FGF14: variants seen among roughly 807,000 people sequenced by gnomAD.
FGF14 encodes the protein fibroblast growth factor 14.
In FGF14, 5 loss-of-function variants were observed where a neutral mutation model predicts 25.5. The ratio of observed to expected loss-of-function variants is 0.20; its 90% CI spans 0.10 to 0.41. FGF14 has a LOEUF of 0.41. Among genes scored for constraint, FGF14 ranks in the 10% least tolerant of loss-of-function variants. FGF14 has a pLI of 1.00. For missense variants in FGF14, 222 were observed against 320.1 expected (o/e 0.69, Z 2.34); for synonymous variants, 138 against 118.3 (o/e 1.17, Z -1.08).
intron 1 of FGF14, among the ~76,000 whole-genome samples, chr13:102,275,787 C>A (rs903648256): frequency 2.6e-5 from 4 of 152,108 alleles, no homozygotes; most frequent in Non-Finnish European, 5.9e-5. Context: ...ACAACTCAGG[C>A]TCCAATTTAA....
intron 3 of FGF14, among the ~76,000 whole-genome samples, chr13:101,762,081 TC>T (rs985518454): frequency 4.6e-5 from 7 of 152,324 alleles, no homozygotes; most frequent in Admixed American, 3.9e-4. Flanking sequence ...AGTAGCCTGC[TC>T]CATTGATAGA....
chr13:101,801,257 T>A (rs1231299020), intron 3 of FGF14, among the ~76,000 whole-genome samples: 2 of 152,170 alleles, frequency 1.3e-5, no homozygotes, highest in African/African-American at 4.8e-5. Flanking sequence ...TTAGGGTCTA[T>A]AAGGAGAGCT....
At chr13:101,807,577 C>T (rs748186909) in intron 3 of FGF14, among the ~76,000 whole-genome samples, 2 of 152,050 alleles carry the variant, frequency 1.3e-5, no homozygotes, top group Non-Finnish European at 2.9e-5. Context: ...TCTCACCTAA[C>T]ATTTTATAAT....
intron 1 of FGF14, among the ~76,000 whole-genome samples, chr13:101,948,110 GT>G (rs1464786629): frequency 6.6e-6 from 1 of 152,172 alleles, no homozygotes; most frequent in Non-Finnish European, 1.5e-5. Context: ...GTCAAAAGAT[GT>G]TTTCGATATG....
chr13:102,074,062 G>A (rs1004640800), intron 1 of FGF14, among the ~76,000 whole-genome samples: 2 of 152,158 alleles, frequency 1.3e-5, no homozygotes, highest in Admixed American at 1.3e-4. Context: ...GGCTGGTGTG[G>A]AGTACAGTGG....
chr13:101,732,409 A>G (rs769439772), intron 3 of FGF14, among the ~76,000 whole-genome samples: 1 of 152,236 alleles, frequency 6.6e-6, no homozygotes, highest in South Asian at 2.1e-4. Flanking sequence ...GATATTAGAC[A>G]CAAGTAGCAA....
At chr13:102,316,993 T>A (rs2056055843) in intron 1 of FGF14, among the ~76,000 whole-genome samples, 2 of 152,168 alleles carry the variant, frequency 1.3e-5, no homozygotes, top group Non-Finnish European at 2.9e-5. Context: ...ATGGCTTTTT[T>A]AGGCCATTTT....
At chr13:101,846,104 A>T (rs901828763) in intron 3 of FGF14, among the ~76,000 whole-genome samples, 1 of 152,026 alleles carries the variant, frequency 6.6e-6, no homozygotes, top group African/African-American at 2.4e-5. Flanking sequence ...CTAACATTGT[A>T]GTTTAAGTTT....
intron 1 of FGF14, among the ~76,000 whole-genome samples, chr13:102,161,577 G>A (rs865783733): frequency 0.037 from 128 of 3,462 alleles, no homozygotes; most frequent in Non-Finnish European, 0.031. Flanking sequence ...AAGAAAGAAA[G>A]AAGAAGAAGA....
intron 1 of FGF14, among the ~76,000 whole-genome samples, chr13:102,271,612 G>T (rs935720416): frequency 1.3e-5 from 2 of 152,090 alleles, no homozygotes; most frequent in Non-Finnish European, 2.9e-5. Flanking sequence ...TTAATATCAC[G>T]TTGTGTTTCA....
intron 1 of FGF14, among the ~76,000 whole-genome samples, chr13:102,169,761 G>T (rs548895885): frequency 6.6e-6 from 1 of 152,148 alleles, no homozygotes; most frequent in South Asian, 2.1e-4. Context: ...AGTTCTTTCA[G>T]GAATTCAGTC....
intron 1 of FGF14, among the ~76,000 whole-genome samples, chr13:102,254,501 T>A (rs556413893): frequency 6.6e-6 from 1 of 152,160 alleles, no homozygotes; most frequent in South Asian, 2.1e-4. Context: ...AGCAATTTTA[T>A]ACTTTATTAA....
intron 3 of FGF14, among the ~76,000 whole-genome samples, chr13:101,856,981 T>G (rs1290876392): frequency 6.6e-6 from 1 of 151,934 alleles, no homozygotes; most frequent in African/African-American, 2.4e-5. Flanking sequence ...GGCAGATGAG[T>G]TCATTGGAGA....
At chr13:102,106,309 G>A (rs547639643) in intron 1 of FGF14, among the ~76,000 whole-genome samples, 11 of 152,206 alleles carry the variant, frequency 7.2e-5, no homozygotes, top group Admixed American at 2.0e-4. Flanking sequence ...AGTGCCTCAC[G>A]CCTGTAATCC....
intron 1 of FGF14, among the ~76,000 whole-genome samples, chr13:102,011,446 G>A (rs949376380): frequency 1.2e-4 from 19 of 152,012 alleles, no homozygotes; most frequent in African/African-American, 4.6e-4. Flanking sequence ...AACCCAGGCA[G>A]GATCACTTCA....
chr13:101,903,466 A>G (rs2139004610), intron 1 of FGF14, among the ~76,000 whole-genome samples: 1 of 152,320 alleles, frequency 6.6e-6, no homozygotes, highest in Middle Eastern at 3.4e-3. Context: ...TAAAACAAAT[A>G]AAAGTGTCTG....
intron 1 of FGF14, among the ~76,000 whole-genome samples, chr13:102,127,623 T>C (rs961864680): frequency 2.6e-4 from 40 of 152,328 alleles, no homozygotes; most frequent in South Asian, 4.1e-4. Context: ...GATTTTATTA[T>C]TTAAAATTTT....
chr13:102,033,232 C>G (rs1391221730), intron 1 of FGF14, among the ~76,000 whole-genome samples: 1 of 152,056 alleles, frequency 6.6e-6, no homozygotes, highest in Non-Finnish European at 1.5e-5. Context: ...CTTACTGTAA[C>G]TAACCATGGA....
chr13:101,974,954 G>C (rs1357551910), intron 1 of FGF14, among the ~76,000 whole-genome samples: 1 of 152,132 alleles, frequency 6.6e-6, no homozygotes, highest in Non-Finnish European at 1.5e-5. Context: ...AAATACAGAA[G>C]CATCTGAGAA....
Sources: allele counts gnomAD v4.1 joint callset (sites outside exome capture counted in the v4.1 genomes callset), GRCh38; gene constraint gnomAD v4.1.1; transcripts MANE v1.5; gene names NCBI Gene and HGNC (gene_info 2026-07-23, HGNC 2026-07-21).